SEMA3E: variants seen among roughly 807,000 people sequenced by gnomAD.
SEMA3E encodes semaphorin 3E.
In SEMA3E, 49 loss-of-function variants were observed where a neutral mutation model predicts 93.6. The observed-to-expected ratio is 0.52, with a 90% confidence interval of 0.42 to 0.66. The LOEUF (loss-of-function observed/expected upper bound fraction) is 0.66, where lower values mean the gene tolerates loss of function less well. Ranked by LOEUF, SEMA3E falls within the 30% of genes least tolerant of loss-of-function variation. The pLI is 0.00. For missense variants in SEMA3E, 906 were observed against 964.8 expected (o/e 0.94, Z 0.81); for synonymous variants, 363 against 330.7 (o/e 1.10, Z -1.06).
At chr7:83,511,564 C>A (rs1324787033) in intron 1 of SEMA3E, among the ~76,000 whole-genome samples, 1 of 152,012 alleles carries the variant, frequency 6.6e-6, no homozygotes, top group Non-Finnish European at 1.5e-5. Flanking sequence ...AGTGAAGGTT[C>A]CCCTCTATTC....
chr7:83,589,040 A>C (rs759081364), intron 1 of SEMA3E, among the ~76,000 whole-genome samples: 4 of 152,092 alleles, frequency 2.6e-5, no homozygotes, highest in African/African-American at 9.7e-5. Flanking sequence ...TGGAAAGGAG[A>C]GCTCTCCTTC....
At chr7:83,558,309 A>T (rs916992235) in intron 1 of SEMA3E, among the ~76,000 whole-genome samples, 2 of 152,172 alleles carry the variant, frequency 1.3e-5, no homozygotes, top group Non-Finnish European at 2.9e-5. Context: ...TGAAAAACAT[A>T]CCAGCCTTGA....
At chr7:83,590,140 TTCACTGTAAAATGTCAAA>T (rs1333218065) in intron 1 of SEMA3E, among the ~76,000 whole-genome samples, 1 of 152,172 alleles carries the variant, frequency 6.6e-6, no homozygotes, top group Non-Finnish European at 1.5e-5. Flanking sequence ...GTAACACATT[TTCACTGTAAAATGTCAAA>T]CACCTAGAAA....
chr7:83,557,035 T>C (rs932472307), intron 1 of SEMA3E, among the ~76,000 whole-genome samples: 1 of 152,192 alleles, frequency 6.6e-6, no homozygotes, highest in Non-Finnish European at 1.5e-5. Context: ...ATGTTCTTTA[T>C]AAATTACCCA....
intron 16 of SEMA3E, among the ~76,000 whole-genome samples, chr7:83,369,085 A>G: frequency 6.6e-6 from 1 of 152,196 alleles, no homozygotes; most frequent in East Asian, 1.9e-4. Context: ...AACCAAAAAC[A>G]ATCATGTTTT....
intron 4 of SEMA3E, among the ~76,000 whole-genome samples, chr7:83,462,683 A>C (rs957973096): frequency 2.6e-5 from 4 of 151,228 alleles, no homozygotes; most frequent in African/African-American, 9.7e-5. Context: ...AAAAAGATTA[A>C]AGCCTGTTAT....
At chr7:83,635,361 A>G (rs1218646746) in intron 1 of SEMA3E, among the ~76,000 whole-genome samples, 2 of 151,768 alleles carry the variant, frequency 1.3e-5, no homozygotes, top group African/African-American at 4.8e-5. Context: ...CCTAATTTCT[A>G]TAGACTTCTT....
At chr7:83,571,625 T>G (rs901005331) in intron 1 of SEMA3E, among the ~76,000 whole-genome samples, 1 of 152,140 alleles carries the variant, frequency 6.6e-6, no homozygotes, top group Non-Finnish European at 1.5e-5. Context: ...TCATACTGAA[T>G]GAGCAAAGGC....
chr7:83,599,567 TATACTC>T (rs1235863589), intron 1 of SEMA3E, among the ~76,000 whole-genome samples: 2 of 152,356 alleles, frequency 1.3e-5, no homozygotes, highest in African/African-American at 4.8e-5. Flanking sequence ...TATGAATAGT[TATACTC>T]AAGATGAATA....
intron 1 of SEMA3E, among the ~76,000 whole-genome samples, chr7:83,529,118 A>G (rs540412689): frequency 6.6e-6 from 1 of 152,278 alleles, no homozygotes; most frequent in East Asian, 1.9e-4. Context: ...TGTTTAAAAT[A>G]GTAATTAAAG....
intron 5 of SEMA3E, among the ~76,000 whole-genome samples, chr7:83,417,042 G>T (rs531281212): frequency 6.8e-6 from 1 of 146,568 alleles, no homozygotes; most frequent in African/African-American, 2.5e-5. Flanking sequence ...GAGAGAATTG[G>T]TAGAGAAACT....
At chr7:83,508,450 C>CA (rs1300903640) in intron 1 of SEMA3E, among the ~76,000 whole-genome samples, 1 of 151,826 alleles carries the variant, frequency 6.6e-6, no homozygotes, top group Non-Finnish European at 1.5e-5. Context: ...TTAGTAGAGA[C>CA]AGAGTTTCTC....
intron 1 of SEMA3E, among the ~76,000 whole-genome samples, chr7:83,558,316 T>C (rs1338954905): frequency 6.6e-6 from 1 of 152,170 alleles, no homozygotes; most frequent in Admixed American, 6.6e-5. Context: ...CATACCAGCC[T>C]TGATTTTTCA....
At chr7:83,417,125 C>T (rs995319468) in intron 5 of SEMA3E, among the ~76,000 whole-genome samples, 1 of 150,724 alleles carries the variant, frequency 6.6e-6, no homozygotes, top group Non-Finnish European at 1.5e-5. Flanking sequence ...TATTCAAGCC[C>T]CTGAAGAACT....
Position 83,467,057 on chromosome 7 carries a change from C to CTTTT in SEMA3E, c.337-460_337-457dup, listed in dbSNP as rs59059670. ...AGTTATTCATATGGAAATATGCAGT[C>CTTTT]TTTTTTTTTTTTTTTTTTTTTTCCC... On this transcript the variant is annotated intron_variant, in intron 3 of 16. Transcript: ENST00000643230. 3.2e-3 allele frequency among the ~76,000 whole-genome samples: 379 copies of CTTTT among 117,064 alleles called. 2 individuals carry two copies. The highest frequency in any genetic ancestry group is 5.2e-3 in the African/African-American group (150 of 28,976). 76.8% of individuals were successfully genotyped at this position (117,064 alleles called of 152,430 possible).
At chr7:83,499,492 T>A (rs988448799) in intron 1 of SEMA3E, among the ~76,000 whole-genome samples, 1 of 152,198 alleles carries the variant, frequency 6.6e-6, no homozygotes. Flanking sequence ...AGGGTACTTT[T>A]GTGATTGTTC....
chr7:83,397,835 G>A (rs1009309019), intron 11 of SEMA3E, among the ~76,000 whole-genome samples: 1 of 151,916 alleles, frequency 6.6e-6, no homozygotes, highest in African/African-American at 2.4e-5. Flanking sequence ...TAATAAAACT[G>A]GATTATAATT....
intron 1 of SEMA3E, among the ~76,000 whole-genome samples, chr7:83,583,469 A>G (rs215300): frequency 0.96 from 145,847 of 152,192 alleles, 69,932 homozygotes; most frequent in East Asian, 1. Flanking sequence ...AAGAGCAAAC[A>G]TAGCTGGGGG....
At chr7:83,519,602 T>G (rs1791003699) in intron 1 of SEMA3E, among the ~76,000 whole-genome samples, 1 of 152,138 alleles carries the variant, frequency 6.6e-6, no homozygotes, top group African/African-American at 2.4e-5. Flanking sequence ...TCTAAAACTT[T>G]CTTCAGACTG....
Sources: allele counts gnomAD v4.1 joint callset (sites outside exome capture counted in the v4.1 genomes callset), GRCh38; gene constraint gnomAD v4.1.1; transcripts MANE v1.5; gene names NCBI Gene and HGNC (gene_info 2026-07-23, HGNC 2026-07-21).